ARHGAP18: variants seen among roughly 807,000 people sequenced by gnomAD.
ARHGAP18 encodes rho GTPase-activating protein 18.
Under a neutral mutation model 86.2 loss-of-function variants are expected in ARHGAP18, and 67 were observed. That is an observed-to-expected ratio of 0.78 (90% CI 0.64 to 0.95). The LOEUF (loss-of-function observed/expected upper bound fraction) is 0.95, where lower values mean the gene tolerates loss of function less well. Ranked by LOEUF, ARHGAP18 falls within the 40% of genes least tolerant of loss-of-function variation. ARHGAP18 has a pLI of 0.00. For synonymous variants in ARHGAP18, 283 were observed against 280.4 expected, an observed-to-expected ratio of 1.01 and a Z score of -0.09; for missense variants, 691 against 780.4, an observed-to-expected ratio of 0.89 and a Z score of 1.37.
At chr6:129,614,078 C>T (rs1309672920) in intron 7 of ARHGAP18, among the ~76,000 whole-genome samples, 1 of 152,078 alleles carries the variant, frequency 6.6e-6, no homozygotes, top group Non-Finnish European at 1.5e-5. Flanking sequence ...TTCCCTCATC[C>T]TTCTGAGAAC....
chr6:129,635,811 C>A (rs1773320364), intron 3 of ARHGAP18, among the ~76,000 whole-genome samples: 1 of 152,172 alleles, frequency 6.6e-6, no homozygotes, highest in Admixed American at 6.6e-5. Flanking sequence ...GCAGTGTAAG[C>A]AAGTTAACAT....
At chr6:129,611,146 C>G (rs1788970310) in intron 8 of ARHGAP18, among the ~76,000 whole-genome samples, 2 of 152,300 alleles carry the variant, frequency 1.3e-5, no homozygotes, top group South Asian at 4.1e-4. Context: ...AAGCAATCCT[C>G]CCGCCTTGGC....
At chr6:129,645,164 G>A (rs1250124112) in intron 1 of ARHGAP18, among the ~76,000 whole-genome samples, 1 of 152,184 alleles carries the variant, frequency 6.6e-6, no homozygotes, top group African/African-American at 2.4e-5. Context: ...AAAAATGTAA[G>A]TGAACATTCC....
chr6:129,640,597 G>GA (rs748769550), intron 2 of ARHGAP18, among the ~76,000 whole-genome samples: 51 of 152,134 alleles, frequency 3.4e-4, no homozygotes, highest in Non-Finnish European at 5.7e-4. Context: ...ATTAAATTAA[G>GA]AAAAAACCCC....
At chr6:129,629,779 T>C (rs1773158869) in intron 4 of ARHGAP18, among the ~76,000 whole-genome samples, 1 of 152,156 alleles carries the variant, frequency 6.6e-6, no homozygotes, top group Non-Finnish European at 1.5e-5. Context: ...CAAACTGGGT[T>C]CCAATTCCAA....
At chr6:129,660,343 A>C (rs1245875691) in intron 1 of ARHGAP18, among the ~76,000 whole-genome samples, 1 of 152,254 alleles carries the variant, frequency 6.6e-6, no homozygotes, top group African/African-American at 2.4e-5. Flanking sequence ...CAAAAGTGAA[A>C]GGACACATTC....
At chr6:129,663,135 A>T (rs1773984552) in intron 1 of ARHGAP18, among the ~76,000 whole-genome samples, 1 of 152,072 alleles carries the variant, frequency 6.6e-6, no homozygotes. Flanking sequence ...CATGCTCAAG[A>T]CTCTGTATGA....
chr6:129,680,813 C>T lies in ARHGAP18; in HGVS notation c.113+29211G>A, dbSNP rs571220555. ...GCTAGAGAGCCTAAAAGCCTAAAGG[C>T]AAAATTATATGGATAACCCAGAGAG... On this transcript the variant is annotated intron_variant, in intron 1 of 14. Coordinates refer to ENST00000368149, the MANE Select transcript of ARHGAP18 (RefSeq NM_033515.3). Among the ~76,000 whole-genome samples, 6 of 152,282 alleles carry T rather than the reference C, an allele frequency of 3.9e-5. No individual in the cohort carries two copies. In the East Asian group the frequency reaches 7.7e-4, roughly 20 times the overall value.
chr6:129,674,820 C>T (rs556337247), intron 1 of ARHGAP18, among the ~76,000 whole-genome samples: 22 of 152,274 alleles, frequency 1.4e-4, no homozygotes, highest in Non-Finnish European at 2.5e-4. Context: ...GAGGCCCTCC[C>T]CAAGAGTTAA....
intron 2 of ARHGAP18, among the ~76,000 whole-genome samples, chr6:129,639,520 C>A (rs1430442941): frequency 6.6e-6 from 1 of 152,166 alleles, no homozygotes; most frequent in Non-Finnish European, 1.5e-5. Context: ...ACACCTCCTT[C>A]CAGCTATGCC....
chr6:129,604,678 C>T (rs1009316188), intron 10 of ARHGAP18, among the ~76,000 whole-genome samples: 8 of 152,144 alleles, frequency 5.3e-5, no homozygotes, highest in Non-Finnish European at 1.0e-4. Context: ...TTGAATATAA[C>T]CCTTTCTGAG....
At chr6:129,709,652 C>G (rs1562732541) in intron 1 of ARHGAP18, among the ~76,000 whole-genome samples, 2 of 152,238 alleles carry the variant, frequency 1.3e-5, no homozygotes, top group Non-Finnish European at 2.9e-5. Flanking sequence ...TCCCAGCGAA[C>G]AGTTCCAGTG....
At chr6:129,585,588 A>C (rs533127350) in intron 12 of ARHGAP18, among the ~76,000 whole-genome samples, 65 of 152,322 alleles carry the variant, frequency 4.3e-4, no homozygotes, top group Middle Eastern at 3.4e-3. Context: ...GGACCTGACC[A>C]TCAACCTCAG....
At chr6:129,588,242 C>T (rs571286852) in intron 12 of ARHGAP18, among the ~76,000 whole-genome samples, 32 of 152,084 alleles carry the variant, frequency 2.1e-4, no homozygotes, top group Admixed American at 9.8e-4. Flanking sequence ...CTCATCCTCC[C>T]GAGTAGCTGA....
chr6:129,669,816 C>T (rs868104631), intron 1 of ARHGAP18, among the ~76,000 whole-genome samples: 33 of 151,830 alleles, frequency 2.2e-4, no homozygotes, highest in Admixed American at 9.8e-4. Flanking sequence ...GGAAAAATAA[C>T]TAAAATAATA....
intron 1 of ARHGAP18, among the ~76,000 whole-genome samples, chr6:129,666,429 G>A (rs1774038956): frequency 6.6e-6 from 1 of 152,240 alleles, no homozygotes; most frequent in Admixed American, 6.5e-5. Context: ...CCCTGTGGAT[G>A]CTCAAGTCAC....
intron 2 of ARHGAP18, among the ~76,000 whole-genome samples, chr6:129,640,112 G>A (rs1773423976): frequency 6.8e-6 from 1 of 147,500 alleles, no homozygotes; most frequent in Non-Finnish European, 1.5e-5. Flanking sequence ...GTAGAACTCA[G>A]TATTGGTGTA....
At chr6:129,702,738 G>A (rs1486398922) in intron 1 of ARHGAP18, among the ~76,000 whole-genome samples, 7 of 152,286 alleles carry the variant, frequency 4.6e-5, no homozygotes, top group South Asian at 2.1e-4. Flanking sequence ...AGTGGCTCAC[G>A]CCTGTAATCC....
rs969722426 is a variant in ARHGAP18 at position 129,614,844 on chromosome 6, T to C, written c.1044+1368A>G. On this transcript the variant is annotated intron_variant, in intron 7 of 14. Coordinates refer to ENST00000368149, the MANE Select transcript of ARHGAP18 (RefSeq NM_033515.3). ...AATGTAGTGGGCCTCATCCAAACAG[T>C]TGAAGGCCTAAAAGATTTTGGTTTC... Among the ~76,000 whole-genome samples the C allele has an allele frequency of 3.3e-5, 5 of 151,912 alleles. No homozygotes were observed. In the East Asian group the frequency reaches 9.7e-4, roughly 29 times the overall value.
Sources: allele counts gnomAD v4.1 joint callset (sites outside exome capture counted in the v4.1 genomes callset), GRCh38; gene constraint gnomAD v4.1.1; transcripts MANE v1.5; gene names NCBI Gene and HGNC (gene_info 2026-07-23, HGNC 2026-07-21).